The following KIAA0408 variants were observed in gnomAD, a reference collection of about 807,000 sequenced individuals.
The protein encoded by KIAA0408 is uncharacterized protein KIAA0408.
Under a neutral mutation model 60.9 loss-of-function variants are expected in KIAA0408, and 51 were observed. The ratio of observed to expected loss-of-function variants is 0.84; its 90% CI spans 0.67 to 1.06. KIAA0408 has a LOEUF of 1.06. KIAA0408 is among the 50% of genes least tolerant of loss of function. The probability of loss-of-function intolerance (pLI) is 0.00; values close to 1 mark genes in which losing one functional copy is unlikely to be tolerated. For missense variants in KIAA0408, 787 were observed against 833.9 expected, an observed-to-expected ratio of 0.94 and a Z score of 0.69; for synonymous variants, 304 against 282.4, an observed-to-expected ratio of 1.08 and a Z score of -0.77.
chr6:127,454,270 T>A, intron 1 of KIAA0408, 169 bp from the exon 2 acceptor site: 1 of 551,806 alleles, frequency 1.8e-6, no homozygotes, highest in Non-Finnish European at 2.4e-6. Flanking sequence ...GTCAATAAAG[T>A]AATAAGTATT....
Position 127,446,015 on chromosome 6 carries a change from T to G in KIAA0408, c.1911+393A>C, listed in dbSNP as rs1332006317. 2.0e-5 allele frequency among the ~76,000 whole-genome samples: 3 copies of G among 152,224 alleles called. No homozygotes were observed. The East Asian group carries it at 5.8e-4, about 29-fold the overall frequency. On this transcript the variant is annotated intron_variant, in intron 5 of 5. Transcript: ENST00000483725. Reference sequence around the variant, plus strand: ...GACTGAACCAATCATAGTTAATAACTGAAAAATGAAAACGATTTTAAAAAT... The same window carrying G: ...GACTGAACCAATCATAGTTAATAACGGAAAAATGAAAACGATTTTAAAAAT...
intron 5 of KIAA0408, among the ~76,000 whole-genome samples, chr6:127,444,620 C>T (rs183424074): frequency 1.4e-4 from 21 of 151,986 alleles, no homozygotes; most frequent in African/African-American, 1.9e-4. Context: ...TTTCTTAGTG[C>T]GCTGTTAGTA....
intron 1 of KIAA0408, among the ~76,000 whole-genome samples, chr6:127,456,984 C>A (rs1485349799): frequency 6.6e-6 from 1 of 151,954 alleles, no homozygotes; most frequent in African/African-American, 2.4e-5. Context: ...CTTTCTCCAT[C>A]TATCCCTCTC....
Position 127,450,232 on chromosome 6 carries a change from C to T in KIAA0408, c.256G>A (p.Asp86Asn), listed in dbSNP as rs756491042. The change falls in exon 3 of 6, where the codon GAT (aspartate) becomes AAT (asparagine). Residue 86 changes from aspartate to asparagine, a missense_variant. Around this residue, in one of 3 missense-constraint regions of KIAA0408, gnomAD observed 640 missense variants for 681.3 expected, o/e 0.94. Coordinates refer to ENST00000483725, the MANE Select transcript of KIAA0408 (RefSeq NM_014702.5). The part of the protein sequence containing the change: ...KVIESSPNYP[D>N]LGQSEFIRTN... ...CTTATAAATTCACTTTGTCCTAAATCGGGGTAATTTGGGGAAGATTCTATC... is the reference window on the plus strand; with the variant it reads ...CTTATAAATTCACTTTGTCCTAAATTGGGGTAATTTGGGGAAGATTCTATC... The T allele has an allele frequency of 1.5e-5, 25 of 1,613,780 alleles. No individual in the cohort carries two copies. Among genetic ancestry groups the T allele is most frequent in the Admixed American group, 1.2e-4 (7 of 59,964 alleles).
chr6:127,447,003 G>T lies in KIAA0408; in HGVS notation c.1316C>A (p.Ala439Glu). 1 of 1,613,626 alleles carries T rather than the reference G, an allele frequency of 6.2e-7. No individual in the cohort carries two copies. The highest frequency in any genetic ancestry group is 8.5e-7 in the Non-Finnish European group (1 of 1,179,892). ...FERTTRNEKL[A>E]AKTDEFNRTV... Reference sequence around the variant, plus strand: ...TCTGTTAAATTCATCAGTCTTTGCTGCCAGCTTCTCATTCCTTGTAGTCCT... The same window carrying T: ...TCTGTTAAATTCATCAGTCTTTGCTTCCAGCTTCTCATTCCTTGTAGTCCT... The change falls in exon 5 of 6, where the codon GCA becomes GAA. Residue 439 changes from alanine to glutamate, a missense_variant. By Grantham distance (107) the Ala-to-Glu change is moderately radical. Transcript: ENST00000483725.
chr6:127,448,616 T>A (rs1465723066), intron 4 of KIAA0408, among the ~76,000 whole-genome samples: 1 of 152,172 alleles, frequency 6.6e-6, no homozygotes, highest in Admixed American at 6.5e-5. Flanking sequence ...TAAATATAAA[T>A]CATATTTATA....
At position 127,443,003 on chromosome 6, in the gene KIAA0408, A is replaced by C. The variant is rs1422044373; in HGVS notation, c.*1106T>G. On this transcript the variant is annotated 3_prime_UTR_variant, in exon 6 of 6. Transcript: ENST00000483725. ...TTAGTTTAAGCCTTTTTTCGGTAGC[A>C]AACTGTGAGAAGTATAATTTCAGCT... The C allele has an allele frequency of 6.6e-6, 1 of 152,166 alleles. No homozygotes were observed. The highest frequency in any genetic ancestry group is 2.4e-5 in the African/African-American group (1 of 41,436). 9.4% of individuals were successfully genotyped at this position (152,166 alleles called of 1,614,324 possible). A position where few individuals can be genotyped will look rare whatever the true frequency, so the allele number is the denominator to read the frequency against.
rs751803238 is a variant in KIAA0408, at chr6:127,446,828, G to A, written c.1491C>T (p.Thr497=). Residue 497 remains threonine, a synonymous_variant, in exon 5 of 6, where the codon ACC becomes ACT. Transcript: ENST00000483725. ...CCATGGGCACAGGCATGTGGGCATT[G>A]GTTTTCCAAATACCGGACACATCGT... is the stretch of plus-strand genomic sequence containing the variant. ...QSNDVSGIWK[T]NAHMPVPMEN... 6.2e-7 allele frequency: 1 copy of A among 1,613,974 alleles called. No homozygotes were observed. Among genetic ancestry groups the A allele is most frequent in the Non-Finnish European group, 8.5e-7 (1 of 1,179,950 alleles).
chr6:127,442,895 A>G lies in KIAA0408; in HGVS notation c.*1214T>C, dbSNP rs2114785351. The G allele has an allele frequency of 6.6e-6, 1 of 152,312 alleles. No homozygotes were observed. The highest frequency in any genetic ancestry group is 1.5e-5 in the Non-Finnish European group (1 of 68,018). 9.4% of individuals were successfully genotyped at this position (152,312 alleles called of 1,614,324 possible). On this transcript the variant is annotated 3_prime_UTR_variant, in exon 6 of 6. Coordinates refer to ENST00000483725, the MANE Select transcript of KIAA0408 (RefSeq NM_014702.5). ...ACATTCATATTTCTGTCAGTTTTCA[A>G]TATAGATTTTATGTGTTCACTGTAT...
chr6:127,457,261 T>G (rs137855613), intron 1 of KIAA0408, among the ~76,000 whole-genome samples: 2 of 152,274 alleles, frequency 1.3e-5, no homozygotes, highest in Middle Eastern at 3.4e-3. Context: ...TTTGTAGAGA[T>G]AGAATGTTTC....
chr6:127,454,719 C>T (rs1037584715), intron 1 of KIAA0408, among the ~76,000 whole-genome samples: 1 of 152,058 alleles, frequency 6.6e-6, no homozygotes, highest in African/African-American at 2.4e-5. Context: ...AATCTAGAAG[C>T]ATCAAAACTA....
At chr6:127,451,340 A>G (rs755188215) in intron 2 of KIAA0408, 1 of 455,458 alleles carries the variant, frequency 2.2e-6, no homozygotes, top group South Asian at 1.6e-5. Flanking sequence ...CAGTGTATTT[A>G]TTTTTCTAAT....
At position 127,447,474 on chromosome 6, in the gene KIAA0408, G is replaced by C. The variant is rs755583674; in HGVS notation, c.845C>G (p.Ser282Cys). The C allele has an allele frequency of 1.3e-5, 21 of 1,613,732 alleles. No individual in the cohort carries two copies. Among genetic ancestry groups the C allele is most frequent in the Non-Finnish European group, 8.5e-6 (10 of 1,179,954 alleles). The change falls in exon 5 of 6, where the codon TCT becomes TGT. Residue 282 changes from serine to cysteine, a missense_variant. Transcript: ENST00000483725. ...STSRNFPSSD[S>C]EQAYERWKER... is the part of the protein sequence containing the mutation. The stretch of plus-strand genomic sequence containing the variant: ...CTTCCATCTTTCATAGGCTTGTTCA[G>C]AATCCGAGCTGGGAAAATTTCGAGA...
chr6:127,458,750 A>T (rs1367712381), intron 1 of KIAA0408, among the ~76,000 whole-genome samples: 1 of 152,166 alleles, frequency 6.6e-6, no homozygotes, highest in Admixed American at 6.5e-5. Flanking sequence ...TTTTCACCGC[A>T]ATTTTCAAAT....
chr6:127,444,149 T>C lies in KIAA0408; in HGVS notation c.2045A>G (p.Asn682Ser). The C allele has an allele frequency of 1.2e-6, 2 of 1,613,900 alleles. No individual in the cohort carries two copies. The highest frequency in any genetic ancestry group is 1.3e-5 in the African/African-American group (1 of 74,966). ...APPALRRTTH[N>S]YTISLRSEAL... ...TTCGGATCGCAGAGAAATGGTATAGTTGTGGGTAGTTCTCCGCAAGGCAGG... is the reference window on the plus strand; with the variant it reads ...TTCGGATCGCAGAGAAATGGTATAGCTGTGGGTAGTTCTCCGCAAGGCAGG... The change falls in exon 6 of 6, where the codon AAC becomes AGC. Residue 682 changes from asparagine to serine, a missense_variant. Around this residue, in one of 3 missense-constraint regions of KIAA0408, gnomAD observed 133 missense variants for 119.2 expected, o/e 1.12. Coordinates refer to ENST00000483725, the MANE Select transcript of KIAA0408 (RefSeq NM_014702.5).
chr6:127,446,679 A>G lies in KIAA0408; in HGVS notation c.1640T>C (p.Leu547Ser), dbSNP rs764752989. The change falls in exon 5 of 6, where the codon TTG (leucine) becomes TCG (serine). Residue 547 changes from leucine to serine, a missense_variant. By Grantham distance (145) the Leu-to-Ser change is moderately radical. Transcript: ENST00000483725. ...ATCAGCTGACCTCGGACGGCCAGAC[A>G]AATTACTCGGTCTCCAGTCATGCTC... ...LHEHDWRPSN[L>S]SGRPRSADPR... 8.1e-6 allele frequency: 13 copies of G among 1,613,898 alleles called. No individual in the cohort carries two copies. The South Asian group carries it at 1.2e-4, about 15-fold the overall frequency.
intron 4 of KIAA0408, among the ~76,000 whole-genome samples, chr6:127,448,627 C>T (rs1773245748): frequency 6.6e-6 from 1 of 152,000 alleles, no homozygotes; most frequent in Admixed American, 6.6e-5. Context: ...CATATTTATA[C>T]CTCTTCAAAT....
chr6:127,451,313 G>C (rs1400221805), intron 2 of KIAA0408: 6 of 455,744 alleles, frequency 1.3e-5, no homozygotes, highest in Non-Finnish European at 2.6e-5. Context: ...CACTAGAGTT[G>C]ATGCCTGAAA....
chr6:127,447,569 T>C lies in KIAA0408; in HGVS notation c.750A>G (p.Lys250=). The change falls in exon 5 of 6, where the codon AAA becomes AAG. Residue 250 remains lysine, a synonymous_variant. Transcript: ENST00000483725. ...AATCGATTGTATCAATTCCACATTT[T>C]TTCGTAGAATTGCTCTGGAGCACAT... ...CTNVLQSNST[K]KCGIDTIDLK... 1 of 1,611,478 alleles carries C rather than the reference T, an allele frequency of 6.2e-7. No homozygotes were observed. Among genetic ancestry groups the C allele is most frequent in the Non-Finnish European group, 8.5e-7 (1 of 1,179,336 alleles).
Sources: gnomAD v4.1 joint callset for allele counts (sites outside exome capture counted in the v4.1 genomes callset) on GRCh38, gnomAD v4.1.1 for gene constraint, gnomAD v4.1.1 regional missense constraint, MANE v1.5 for transcripts, NCBI Gene and HGNC (gene_info 2026-07-23, HGNC 2026-07-21) for gene names.